MRPL45: variants seen among roughly 807,000 people sequenced by gnomAD.
MRPL45 encodes the protein large ribosomal subunit protein mL45.
MRPL45 carries 20 observed loss-of-function variants against 38.1 expected under a neutral mutation model. That is an observed-to-expected ratio of 0.53 (90% CI 0.37 to 0.76). MRPL45 has a LOEUF of 0.76. Among genes scored for constraint, MRPL45 ranks in the 30% least tolerant of loss-of-function variants. The probability of loss-of-function intolerance (pLI) is 0.00; values close to 1 mark genes in which losing one functional copy is unlikely to be tolerated. For missense variants in MRPL45, 337 were observed against 395.6 expected, an observed-to-expected ratio of 0.85 and a Z score of 1.26; for synonymous variants, 105 against 128.8, an observed-to-expected ratio of 0.82 and a Z score of 1.25.
At chr17:38,313,335 T>TGAG (rs2037140031) in intron 4 of MRPL45, among the ~76,000 whole-genome samples, 2 of 18,526 alleles carry the variant, frequency 1.1e-4, no homozygotes, top group Non-Finnish European at 1.9e-4. Flanking sequence ...TATATATACA[T>TGAG]ATATATATAT....
chr17:38,308,782 G>T (rs1393603767), intron 4 of MRPL45, among the ~76,000 whole-genome samples: 4 of 151,970 alleles, frequency 2.6e-5, no homozygotes, highest in African/African-American at 9.7e-5. Flanking sequence ...TGCCATGTTG[G>T]CTAGGCTGGT....
chr17:38,300,841 G>A (rs1382398984), intron 3 of MRPL45, among the ~76,000 whole-genome samples: 19 of 152,266 alleles, frequency 1.2e-4, no homozygotes, highest in Non-Finnish European at 2.2e-4. Flanking sequence ...AGCTACTCAG[G>A]AGGCTGAGGC....
intron 3 of MRPL45, among the ~76,000 whole-genome samples, chr17:38,306,307 G>A (rs2037053567): frequency 6.6e-6 from 1 of 151,914 alleles, no homozygotes; most frequent in Non-Finnish European, 1.5e-5. Flanking sequence ...TACTCAGGAG[G>A]CTGAGGCAGG....
At chr17:38,305,219 A>G (rs866929575) in intron 3 of MRPL45, among the ~76,000 whole-genome samples, 1,617 of 127,102 alleles carry the variant, frequency 0.013, 29 homozygotes, top group African/African-American at 0.039. Flanking sequence ...CTGTAATCCC[A>G]GCACTTTGGG....
intron 3 of MRPL45, among the ~76,000 whole-genome samples, chr17:38,306,205 C>A (rs948031753): frequency 5.9e-5 from 9 of 151,488 alleles, no homozygotes; most frequent in African/African-American, 2.2e-4. Flanking sequence ...GTCAGGAGAT[C>A]GAGACCATCC....
chr17:38,321,703 T>C (rs1465872146), intron 6 of MRPL45, among the ~76,000 whole-genome samples: 1 of 145,492 alleles, frequency 6.9e-6, no homozygotes, highest in East Asian at 2.1e-4. Flanking sequence ...AAAAAAAAAT[T>C]TAAAAAGATT....
intron 4 of MRPL45, among the ~76,000 whole-genome samples, chr17:38,317,474 T>TCTCAAAC (rs2037185564): frequency 2.4e-4 from 36 of 152,328 alleles, no homozygotes; most frequent in Admixed American, 2.1e-3. Context: ...AAGAAGCTAA[T>TCTCAAAC]CTATGGCCTT....
At chr17:38,321,750 G>C (rs2037231666) in intron 6 of MRPL45, among the ~76,000 whole-genome samples, 1 of 151,812 alleles carries the variant, frequency 6.6e-6, no homozygotes, top group South Asian at 2.1e-4. Flanking sequence ...TGTGTGGCAG[G>C]CTGGGTGCAG....
rs1567713066 is a variant in MRPL45, at chr17:38,302,505, A to AT, written c.362+3037_362+3038insT. 2.0e-4 allele frequency among the ~76,000 whole-genome samples: 10 copies of AT among 50,640 alleles called. 1 individual carries two copies. Among genetic ancestry groups the AT allele is most frequent in the Admixed American group, 7.6e-4 (3 of 3,966 alleles). The allele number at this position is 50,640 out of a possible 152,430, so 33.2% of individuals were successfully genotyped here. On this transcript the variant is annotated intron_variant, in intron 3 of 7. Coordinates refer to ENST00000613675, the MANE Select transcript of MRPL45 (RefSeq NM_032351.6). The stretch of plus-strand genomic sequence containing the variant: ...CCATCTCAAAAAAAAAAAAAAAAAA[A>AT]GTTTGTTTTTTTTTTTTTTTTTTAG...
At chr17:38,300,041 T>TTTAG in intron 3 of MRPL45, among the ~76,000 whole-genome samples, 1 of 143,736 alleles carries the variant, frequency 7.0e-6, no homozygotes, top group African/African-American at 2.8e-5. Flanking sequence ...CGCCCAGCCC[T>TTTAG]TTATTTATTT....
At chr17:38,312,141 G>T (rs2037118726) in intron 4 of MRPL45, among the ~76,000 whole-genome samples, 1 of 151,196 alleles carries the variant, frequency 6.6e-6, no homozygotes, top group African/African-American at 2.4e-5. Context: ...TTGCCTCCTG[G>T]GTTCAAGCGA....
chr17:38,310,421 C>T (rs367802294), intron 4 of MRPL45, among the ~76,000 whole-genome samples: 20 of 151,776 alleles, frequency 1.3e-4, no homozygotes, highest in Admixed American at 3.3e-4. Flanking sequence ...CTCTGCCTCC[C>T]GGATTCAAGG....
At chr17:38,301,954 A>G (rs2037000561) in intron 3 of MRPL45, among the ~76,000 whole-genome samples, 1 of 151,734 alleles carries the variant, frequency 6.6e-6, no homozygotes. Context: ...CGTCTCTACT[A>G]AAAATACAAA....
chr17:38,316,930 T>C lies in MRPL45; in HGVS notation c.462-1757T>C, dbSNP rs138788310. ...CTCCTGCCTCAGCCTCCTGAATAGC[T>C]GAGACTCCAGGTGTGTGCCACTGTA... On this transcript the variant is annotated intron_variant, in intron 4 of 7. Transcript: ENST00000613675. Among the ~76,000 whole-genome samples the C allele has an allele frequency of 3.2e-3, 493 of 152,056 alleles. 2 individuals carry two copies. Among genetic ancestry groups the C allele is most frequent in the African/African-American group, 0.011 (473 of 41,466 alleles).
chr17:38,297,263 G>C lies in MRPL45; in HGVS notation c.66+14G>C, dbSNP rs1419205419. 1.2e-6 allele frequency: 2 copies of C among 1,612,424 alleles called. No homozygotes were observed. The highest frequency in any genetic ancestry group is 2.7e-5 in the African/African-American group (2 of 74,804). On this transcript the variant is annotated intron_variant, in intron 1 of 7. Coordinates refer to ENST00000613675, the MANE Select transcript of MRPL45 (RefSeq NM_032351.6). The stretch of plus-strand genomic sequence containing the variant: ...TGGTCTCGGCAGGTGGGTAGGGACG[G>C]GGCCGATAGGACCCTAGGGGCTACA...
chr17:38,297,356 C>T, intron 1 of MRPL45, 107 bp downstream of exon 1: 1 of 1,079,228 alleles, frequency 9.3e-7, no homozygotes, highest in Non-Finnish European at 1.4e-6. Context: ...CAATACGAGT[C>T]ATACCTAGGC....
Position 38,321,456 on chromosome 17 carries a change from G to A in MRPL45, c.661-670G>A, listed in dbSNP as rs1008932323. On this transcript the variant is annotated intron_variant, in intron 6 of 7. Transcript: ENST00000613675. ...GCCTGTAATCCCAGCACTTTGGGAG[G>A]CCACGGCAGGCAGATCACAAGGTCA... 1.1e-4 allele frequency among the ~76,000 whole-genome samples: 16 copies of A among 152,206 alleles called. No homozygotes were observed. In the East Asian group the frequency reaches 2.9e-3, roughly 28 times the overall value.
At chr17:38,299,662 C>T (rs2144199039) in intron 3 of MRPL45, among the ~76,000 whole-genome samples, 194 bp downstream of exon 3, 1 of 150,942 alleles carries the variant, frequency 6.6e-6, no homozygotes, top group African/African-American at 2.4e-5. Context: ...GCATCCCTGC[C>T]TTTATTGGTA....
chr17:38,299,523 A>G lies in MRPL45; in HGVS notation c.362+55A>G, dbSNP rs1189931135. The G allele has an allele frequency of 1.4e-5, 21 of 1,479,136 alleles. 1 individual carries two copies. In the South Asian group the frequency reaches 1.8e-4, roughly 12 times the overall value. 91.6% of individuals were successfully genotyped at this position (1,479,136 alleles called of 1,614,324 possible). On this transcript the variant is annotated intron_variant, in intron 3 of 7. Coordinates refer to ENST00000613675, the MANE Select transcript of MRPL45 (RefSeq NM_032351.6). ...ATTAGAATAACAATTTTTTGTTGCT[A>G]CTTTATCCCAAAGAGACCTTTTTGG... is the stretch of plus-strand genomic sequence containing the variant.
Sources: gnomAD v4.1 joint callset for allele counts (sites outside exome capture counted in the v4.1 genomes callset) on GRCh38, gnomAD v4.1.1 for gene constraint, MANE v1.5 for transcripts, NCBI Gene and HGNC (gene_info 2026-07-23, HGNC 2026-07-21) for gene names.